The following POC1B variants were observed in gnomAD, a reference collection of about 807,000 sequenced individuals.
The protein encoded by POC1B is POC1 centriolar protein B.
POC1B carries 44 observed loss-of-function variants against 60.6 expected under a neutral mutation model. The observed-to-expected ratio is 0.73, with a 90% CI of 0.57 to 0.93. The LOEUF (loss-of-function observed/expected upper bound fraction) is 0.93. Ranked by LOEUF, POC1B falls within the 40% of genes least tolerant of loss-of-function variation. The pLI, the probability that POC1B is intolerant of heterozygous loss-of-function variation, is 0.00. For synonymous variants in POC1B, 180 were observed against 198.9 expected, an observed-to-expected ratio of 0.90 and a Z score of 0.80; for missense variants, 555 against 572.3, an observed-to-expected ratio of 0.97 and a Z score of 0.31.
intron 2 of POC1B, among the ~76,000 whole-genome samples, chr12:89,508,640 T>C (rs1044372572): frequency 6.6e-6 from 1 of 152,252 alleles, no homozygotes; most frequent in African/African-American, 2.4e-5. Context: ...TAATATGGTT[T>C]GGCTGTGTCC....
chr12:89,514,939 C>T (rs1870378926), intron 2 of POC1B, among the ~76,000 whole-genome samples: 1 of 152,088 alleles, frequency 6.6e-6, no homozygotes, highest in South Asian at 2.1e-4. Flanking sequence ...CAAAATTTAC[C>T]ACTGAGCCAC....
At chr12:89,464,942 A>G (rs1882631118) in intron 9 of POC1B, among the ~76,000 whole-genome samples, 1 of 152,180 alleles carries the variant, frequency 6.6e-6, no homozygotes. Flanking sequence ...TTAAGCAGCC[A>G]TGCATGTTTA....
intron 10 of POC1B, among the ~76,000 whole-genome samples, chr12:89,458,457 C>G (rs1441962306): frequency 6.6e-6 from 1 of 152,182 alleles, no homozygotes; most frequent in Non-Finnish European, 1.5e-5. Flanking sequence ...CTAGTGGTCA[C>G]CAGTGATTCT....
At chr12:89,412,849 T>TCC in the POC1B span, among the ~76,000 whole-genome samples, 1 of 73,058 alleles carries the variant, frequency 1.4e-5, no homozygotes, top group Non-Finnish European at 2.4e-5. Flanking sequence ...CTTCCTTCCT[T>TCC]TCCTTCCTCC....
At position 89,525,611 on chromosome 12, in the gene POC1B, C is replaced by G. The variant is rs553359520; in HGVS notation, c.15+270G>C. 4.7e-6 allele frequency: 6 copies of G among 1,285,942 alleles called. No individual in the cohort carries two copies. The African/African-American group carries it at 7.7e-5, about 16-fold the overall frequency. The allele number at this position is 1,285,942 out of a possible 1,614,324, so 79.7% of individuals were successfully genotyped here. On this transcript the variant is annotated intron_variant, in intron 1 of 11. Coordinates refer to ENST00000313546, the MANE Select transcript of POC1B (RefSeq NM_172240.3). Reference sequence around the variant, plus strand: ...ACGCAGGCGCTCCACGGAAACCCTCCGAGAATTCTGGGGGCCGTGGGGCCG... The same window carrying G: ...ACGCAGGCGCTCCACGGAAACCCTCGGAGAATTCTGGGGGCCGTGGGGCCG...
At chr12:89,406,444 C>A in the POC1B span, among the ~76,000 whole-genome samples, 3 of 151,980 alleles carry the variant, frequency 2.0e-5, no homozygotes, top group Non-Finnish European at 2.9e-5. Context: ...TAACTTAAGG[C>A]TCTATGGTTT....
chr12:89,457,047 C>A (rs1165248297), intron 10 of POC1B, among the ~76,000 whole-genome samples: 1 of 152,110 alleles, frequency 6.6e-6, no homozygotes, highest in Admixed American at 6.6e-5. Flanking sequence ...CAAATCAACC[C>A]TCAAAAGAAA....
At chr12:89,524,368 C>T in intron 2 of POC1B, 1 of 1,613,968 alleles carries the variant, frequency 6.2e-7, no homozygotes, top group Non-Finnish European at 8.5e-7. Flanking sequence ...ATAAAGCGGT[C>T]GAGACAAATC....
At chr12:89,470,245 G>T in intron 7 of POC1B, 116 bp downstream of exon 7, 1 of 544,012 alleles carries the variant, frequency 1.8e-6, no homozygotes, top group Non-Finnish European at 2.5e-6. Flanking sequence ...TATGATAGCA[G>T]CAATGTGTGC....
At chr12:89,505,886 A>C (rs1249465275) in intron 2 of POC1B, among the ~76,000 whole-genome samples, 1 of 151,712 alleles carries the variant, frequency 6.6e-6, no homozygotes. Context: ...GGAAGGAGGA[A>C]AAAGAGTCAA....
intron 2 of POC1B, chr12:89,524,130 GAT>G (rs780122307): frequency 1.2e-6 from 2 of 1,614,004 alleles, no homozygotes; most frequent in Non-Finnish European, 8.5e-7. Context: ...AGAAAGCAAT[GAT>G]AACAGAGGTG....
At chr12:89,508,781 G>A (rs1870030291) in intron 2 of POC1B, among the ~76,000 whole-genome samples, 1 of 152,144 alleles carries the variant, frequency 6.6e-6, no homozygotes, top group African/African-American at 2.4e-5. Flanking sequence ...AGATCCGATG[G>A]TTTTATAAGG....
chr12:89,474,672 G>C (rs983258937), intron 4 of POC1B, among the ~76,000 whole-genome samples: 1 of 152,156 alleles, frequency 6.6e-6, no homozygotes, highest in East Asian at 1.9e-4. Context: ...ATTTGAATCA[G>C]GCAGTTGTTT....
chr12:89,448,846 T>TTC (rs1447150103), intron 10 of POC1B, among the ~76,000 whole-genome samples: 4 of 152,204 alleles, frequency 2.6e-5, no homozygotes, highest in Non-Finnish European at 4.4e-5. Flanking sequence ...CAAGGATTTA[T>TTC]GTACTTGGCA....
intron 10 of POC1B, among the ~76,000 whole-genome samples, chr12:89,445,299 G>C (rs1881727423): frequency 6.6e-6 from 1 of 152,116 alleles, no homozygotes. Context: ...ATATTGCCAA[G>C]ACAATCCTAA....
At chr12:89,523,242 A>T (rs1203944941) in intron 2 of POC1B, 2 of 1,613,914 alleles carry the variant, frequency 1.2e-6, no homozygotes, top group African/African-American at 2.7e-5. Context: ...CCTCTGGAAC[A>T]TGTAAATTAG....
chr12:89,502,681 G>A, intron 2 of POC1B: 3 of 1,334,118 alleles, frequency 2.2e-6, no homozygotes, highest in Non-Finnish European at 3.2e-6. Flanking sequence ...GTGAGTTGAA[G>A]GTATATAACA....
intron 9 of POC1B, among the ~76,000 whole-genome samples, chr12:89,465,993 G>A (rs193166230): frequency 1.3e-5 from 2 of 152,288 alleles, no homozygotes; most frequent in Admixed American, 6.5e-5. Context: ...CAGTGAATGC[G>A]GCTACCGTGC....
chr12:89,452,886 A>T (rs1038097196), intron 10 of POC1B, among the ~76,000 whole-genome samples: 2 of 152,064 alleles, frequency 1.3e-5, no homozygotes, highest in South Asian at 2.1e-4. Context: ...AATTTTTTTT[A>T]AAAGGTCAGC....
Sources: allele counts gnomAD v4.1 joint callset (sites outside exome capture counted in the v4.1 genomes callset), GRCh38; gene constraint gnomAD v4.1.1; transcripts MANE v1.5; gene names NCBI Gene and HGNC (gene_info 2026-07-23, HGNC 2026-07-21).